RAPGEFL1: variants seen among roughly 807,000 people sequenced by gnomAD.
The protein encoded by RAPGEFL1 is rap guanine nucleotide exchange factor-like 1.
Under a neutral mutation model 64.4 loss-of-function variants are expected in RAPGEFL1, and 31 were observed. The observed-to-expected ratio is 0.48, with a 90% confidence interval of 0.36 to 0.65. RAPGEFL1 has a LOEUF of 0.65. Among genes scored for constraint, RAPGEFL1 ranks in the 30% least tolerant of loss-of-function variants. The pLI is 0.00. For missense variants in RAPGEFL1, 682 were observed against 677.4 expected (o/e 1.01, Z -0.08); for synonymous variants, 331 against 274.1 (o/e 1.21, Z -2.05).
At position 40,191,807 on chromosome 17, in the gene RAPGEFL1, G is replaced by A. The variant is rs1990284395; in HGVS notation, c.1605+135G>A. 3 of 854,802 alleles carry A rather than the reference G, an allele frequency of 3.5e-6. No homozygotes were observed. The highest frequency in any genetic ancestry group is 2.4e-5 in the Admixed American group (1 of 41,584). 53.0% of individuals were successfully genotyped at this position (854,802 alleles called of 1,614,324 possible). A position where few individuals can be genotyped will look rare whatever the true frequency, so the allele number is the denominator to read the frequency against. ...AGGGAGGCGCCCTCTTCTGGCATAC[G>A]CAACCCCAGGGCGCACAGCTTGGCT... On this transcript the variant is annotated intron_variant, in intron 10 of 14. Coordinates refer to ENST00000620260, the MANE Select transcript of RAPGEFL1 (RefSeq NM_016339.6). This position sits in a 1 kb window ranked among gnomAD's most constrained non-coding sequence, Gnocchi z 5.1.
rs950437352 is a variant in RAPGEFL1 at position 40,191,468 on chromosome 17, C to T, written c.1488C>T (p.Leu496=). 4 of 1,606,992 alleles carry T rather than the reference C, an allele frequency of 2.5e-6. No homozygotes were observed. Among genetic ancestry groups the T allele is most frequent in the Non-Finnish European group, 3.4e-6 (4 of 1,178,424 alleles). ...CEAPGKRAQL[L]KKFIKIAALC... is the part of the protein sequence containing the mutation. ...CCCCGGGCAAGCGCGCGCAGCTGCTCAAGAAGTTCATCAAGATCGCGGCCC... is the reference window on the plus strand; with the variant it reads ...CCCCGGGCAAGCGCGCGCAGCTGCTTAAGAAGTTCATCAAGATCGCGGCCC... The change falls in exon 9 of 15, where the codon CTC becomes CTT. Residue 496 remains leucine, a synonymous_variant. Coordinates refer to ENST00000620260, the MANE Select transcript of RAPGEFL1 (RefSeq NM_016339.6). The surrounding 1 kb of genome is among the most constrained non-coding windows in gnomAD (Gnocchi z 5.1).
At chr17:40,179,445 A>C (rs1989828710) in intron 1 of RAPGEFL1, among the ~76,000 whole-genome samples, 1 of 149,112 alleles carries the variant, frequency 6.7e-6, no homozygotes, top group African/African-American at 2.5e-5. Flanking sequence ...TGACCTCGTT[A>C]TCTACCTCCC....
intron 6 of RAPGEFL1, 79 bp downstream of exon 6, chr17:40,189,454 C>T: frequency 6.7e-7 from 1 of 1,490,318 alleles, no homozygotes; most frequent in South Asian, 1.2e-5. Context: ...GGGGTAGAGA[C>T]TGAATTCTAG....
Position 40,188,810 on chromosome 17 carries a change from G to A in RAPGEFL1, c.834-56G>A, listed in dbSNP as rs559212522. ...TCTTGCTTGATGTTGCCTGCTTGGT[G>A]TTGGTTGTCCATATGCCTGGCAGGG... is the stretch of plus-strand genomic sequence containing the variant. On this transcript the variant is annotated intron_variant, in intron 4 of 14. Transcript: ENST00000620260. 34 of 1,387,246 alleles carry A rather than the reference G, an allele frequency of 2.5e-5. No homozygotes were observed. The African/African-American group carries it at 4.5e-4, about 19-fold the overall frequency. 85.9% of individuals were successfully genotyped at this position (1,387,246 alleles called of 1,614,324 possible).
At position 40,190,718 on chromosome 17, in the gene RAPGEFL1, C is replaced by A. The variant is rs1032467044; in HGVS notation, c.1291C>A (p.His431Asn). The A allele has an allele frequency of 6.2e-7, 1 of 1,614,200 alleles. No homozygotes were observed. Among genetic ancestry groups the A allele is most frequent in the Non-Finnish European group, 8.5e-7 (1 of 1,180,044 alleles). The change falls in exon 8 of 15, where the codon CAC becomes AAC. Residue 431 changes from histidine to asparagine, a missense_variant. By Grantham distance (68) the His-to-Asn change is moderately conservative. Transcript: ENST00000620260. ...AGTGGAGCCTGAGGACGTTGCCAAC[C>A]ACCTAACTGCCTTCCACTGGGAGCT... is the stretch of plus-strand genomic sequence containing the variant. ...HRVEPEDVAN[H>N]LTAFHWELFR... is the part of the protein sequence containing the mutation.
At chr17:40,189,463 A>G in intron 6 of RAPGEFL1, 88 bp downstream of exon 6, 1 of 1,414,990 alleles carries the variant, frequency 7.1e-7, no homozygotes, top group African/African-American at 1.4e-5. Context: ...ACTGAATTCT[A>G]GGCCCTTGCT....
intron 4 of RAPGEFL1, among the ~76,000 whole-genome samples, chr17:40,186,910 AG>A (rs1327678460): frequency 6.6e-6 from 1 of 151,120 alleles, no homozygotes; most frequent in Non-Finnish European, 1.5e-5. Context: ...AAAAAAAAAA[AG>A]TAGTGAAAAC....
Position 40,191,386 on chromosome 17 carries a change from T to C in RAPGEFL1, c.1406T>C (p.Leu469Pro). Residue 469 changes from leucine to proline, a missense_variant, in exon 9 of 15, where the codon CTG (leucine) becomes CCG (proline). This residue lies in a region of RAPGEFL1 where 411 missense variants were observed against 519.4 expected (regional missense o/e 0.79). Transcript: ENST00000620260. This position sits in a 1 kb window ranked among gnomAD's most constrained non-coding sequence, Gnocchi z 5.1. ...RRETANLELLLQRCSEVTHWV... is the reference protein window; with the variant it reads ...RRETANLELLPQRCSEVTHWV... ...GAGACGGCCAACTTGGAGCTGCTGCTGCAGCGCTGCAGCGAGGTCACGCAC... is the reference window on the plus strand; with the variant it reads ...GAGACGGCCAACTTGGAGCTGCTGCCGCAGCGCTGCAGCGAGGTCACGCAC... 6.3e-7 allele frequency: 1 copy of C among 1,599,506 alleles called. No individual in the cohort carries two copies.
chr17:40,193,490 C>G lies in RAPGEFL1; in HGVS notation c.1864+73C>G, dbSNP rs1990350258. On this transcript the variant is annotated intron_variant, in intron 14 of 14. Coordinates refer to ENST00000620260, the MANE Select transcript of RAPGEFL1 (RefSeq NM_016339.6). The stretch of plus-strand genomic sequence containing the variant: ...ACGGGAGGGTTCAGGGGAGAACTCC[C>G]TGTCCAGATGTGTATTTCCATACAC... 2.5e-6 allele frequency: 4 copies of G among 1,588,632 alleles called. No individual in the cohort carries two copies. In the Admixed American group the frequency reaches 6.7e-5, roughly 26 times the overall value.
At position 40,191,443 on chromosome 17, in the gene RAPGEFL1, C is replaced by T; in HGVS notation, c.1463C>T (p.Ala488Val). 6.2e-7 allele frequency: 1 copy of T among 1,607,182 alleles called. No individual in the cohort carries two copies. Among genetic ancestry groups the T allele is most frequent in the South Asian group, 1.1e-5 (1 of 90,572 alleles). ...WVATEVLLCE[A>V]PGKRAQLLKK... ...GCCACCGAAGTGCTGCTCTGCGAGG[C>T]CCCGGGCAAGCGCGCGCAGCTGCTC... Residue 488 changes from alanine to valine, a missense_variant, in exon 9 of 15, where the codon GCC (alanine) becomes GTC (valine). Coordinates refer to ENST00000620260, the MANE Select transcript of RAPGEFL1 (RefSeq NM_016339.6). The surrounding 1 kb of genome is among the most constrained non-coding windows in gnomAD (Gnocchi z 5.1).
rs760432356 is a variant in RAPGEFL1 at position 40,192,948 on chromosome 17, G to A, written c.1767G>A (p.Gly589=). 1.9e-6 allele frequency: 3 copies of A among 1,613,962 alleles called. No individual in the cohort carries two copies. Among genetic ancestry groups the A allele is most frequent in the East Asian group, 2.2e-5 (1 of 44,872 alleles). ...ILKDLTFLHE[G]SKTLVDGLVN... ...TAGACCTGACTTTCCTGCACGAAGG[G>A]AGTAAGACCCTTGTAGATGGTTTGG... Residue 589 remains glycine (G), a synonymous_variant, in exon 13 of 15, where the codon GGG becomes GGA. Coordinates refer to ENST00000620260, the MANE Select transcript of RAPGEFL1 (RefSeq NM_016339.6).
chr17:40,191,872 A>C lies in RAPGEFL1; in HGVS notation c.1605+200A>C, dbSNP rs1990286528. 6.6e-6 allele frequency among the ~76,000 whole-genome samples: 1 copy of C among 152,238 alleles called. No homozygotes were observed. On this transcript the variant is annotated intron_variant, in intron 10 of 14. Coordinates refer to ENST00000620260, the MANE Select transcript of RAPGEFL1 (RefSeq NM_016339.6). This position sits in a 1 kb window ranked among gnomAD's most constrained non-coding sequence, Gnocchi z 5.1. ...TTGTGCAAATTAGTGAAAAGCCCGG[A>C]TCCCGCCTGAGTCACGGCAGGCAGC... is the stretch of plus-strand genomic sequence containing the variant.
chr17:40,192,154 C>T (rs537438241), intron 10 of RAPGEFL1, 59 bp from the exon 11 acceptor site: 2 of 1,497,526 alleles, frequency 1.3e-6, no homozygotes, highest in East Asian at 4.5e-5. Flanking sequence ...ATCCGAGGCT[C>T]CCATGTAACC....
chr17:40,192,942 C>T lies in RAPGEFL1; in HGVS notation c.1761C>T (p.His587=), dbSNP rs369064690. The T allele has an allele frequency of 3.8e-5, 62 of 1,613,772 alleles. No individual in the cohort carries two copies. Among genetic ancestry groups the T allele is most frequent in the Middle Eastern group, 1.6e-4 (1 of 6,062 alleles). The change falls in exon 13 of 15, where the codon CAC becomes CAT. Residue 587 remains histidine (H), a synonymous_variant. Transcript: ENST00000620260. ...ATCCCCTAGACCTGACTTTCCTGCA[C>T]GAAGGGAGTAAGACCCTTGTAGATG... ...PLILKDLTFL[H]EGSKTLVDGL...
Position 40,193,983 on chromosome 17 carries a change from A to G in RAPGEFL1, c.*195A>G, listed in dbSNP as rs894632537. On this transcript the variant is annotated 3_prime_UTR_variant, in exon 15 of 15. Transcript: ENST00000620260. The stretch of plus-strand genomic sequence containing the variant: ...AAGTCCCCTCCCCATTGCTCCTTCA[A>G]GCCAAAACTACACTTTGCTGGTTCC... 3.1e-6 allele frequency: 2 copies of G among 653,684 alleles called. No homozygotes were observed. The highest frequency in any genetic ancestry group is 3.7e-5 in the African/African-American group (2 of 54,570). 40.5% of individuals were successfully genotyped at this position (653,684 alleles called of 1,614,324 possible).
intron 7 of RAPGEFL1, 33 bp downstream of exon 7, chr17:40,190,564 A>T: frequency 6.2e-7 from 1 of 1,613,988 alleles, no homozygotes. Context: ...ACTGGAATGG[A>T]GGGCTGAGGA....
chr17:40,194,331 G>A lies in RAPGEFL1; in HGVS notation c.*543G>A, dbSNP rs45567834. On this transcript the variant is annotated 3_prime_UTR_variant, in exon 15 of 15. Coordinates refer to ENST00000620260, the MANE Select transcript of RAPGEFL1 (RefSeq NM_016339.6). ...AGGAGTGCATCTGGTAATTGAGGGT[G>A]GATGTTGTGTGTGCTGGGGAGGGGT... The A allele has an allele frequency of 0.13, 21,248 of 159,672 alleles. 1,566 individuals are homozygous for A. The highest frequency in any genetic ancestry group is 0.29 in the East Asian group (1,520 of 5,238). 9.9% of individuals were successfully genotyped at this position (159,672 alleles called of 1,614,324 possible).
At chr17:40,183,819 CCT>C (rs1491192228) in intron 2 of RAPGEFL1, among the ~76,000 whole-genome samples, 1 of 134,304 alleles carries the variant, frequency 7.4e-6, no homozygotes, top group Non-Finnish European at 1.6e-5. Context: ...CCGCGCCTGG[CCT>C]TTTTTTTTTT....
At chr17:40,181,343 C>G (rs777869694) in intron 1 of RAPGEFL1, 1 of 578,680 alleles carries the variant, frequency 1.7e-6, no homozygotes, top group Non-Finnish European at 3.3e-6. Flanking sequence ...TTCCCACATA[C>G]GCTGAAGAGA....
Sources: gnomAD v4.1 joint callset for allele counts (sites outside exome capture counted in the v4.1 genomes callset) on GRCh38, gnomAD v4.1.1 for gene constraint, gnomAD v4.1.1 regional missense constraint, Gnocchi (gnomAD v3.1) non-coding constraint, MANE v1.5 for transcripts, NCBI Gene and HGNC (gene_info 2026-07-23, HGNC 2026-07-21) for gene names.